TNRC6A: variants seen among roughly 807,000 people sequenced by gnomAD.
The protein encoded by TNRC6A is trinucleotide repeat containing adaptor 6A.
In TNRC6A, 44 loss-of-function variants were observed where a neutral mutation model predicts 221.2. The ratio of observed to expected loss-of-function variants is 0.20; its 90% CI spans 0.16 to 0.26. The LOEUF is 0.26. Ranked by LOEUF, TNRC6A falls within the 10% of genes least tolerant of loss-of-function variation. TNRC6A has a pLI of 1.00. For synonymous variants in TNRC6A, 847 were observed against 838.5 expected (o/e 1.01, Z -0.18); for missense variants, 2,199 against 2,404.4 (o/e 0.91, Z 1.79).
At chr16:24,673,324 A>G (rs964611075) in intron 2 of TNRC6A, among the ~76,000 whole-genome samples, 33 of 152,236 alleles carry the variant, frequency 2.2e-4, no homozygotes, top group African/African-American at 8.0e-4. Flanking sequence ...TCACACAGCT[A>G]TCAAATTTCA....
At chr16:24,695,931 A>C (rs1294580940) in intron 2 of TNRC6A, among the ~76,000 whole-genome samples, 1 of 152,158 alleles carries the variant, frequency 6.6e-6, no homozygotes, top group Non-Finnish European at 1.5e-5. Context: ...CTTGGAATTA[A>C]TGGGATTCCC....
At chr16:24,743,540 G>C (rs2056938185) in intron 2 of TNRC6A, among the ~76,000 whole-genome samples, 1 of 137,506 alleles carries the variant, frequency 7.3e-6, no homozygotes, top group African/African-American at 2.6e-5. Context: ...GCCCAGGCTG[G>C]TCTCGAACTC....
intron 2 of TNRC6A, among the ~76,000 whole-genome samples, chr16:24,738,766 G>T (rs1435142403): frequency 6.6e-6 from 1 of 152,228 alleles, no homozygotes; most frequent in Non-Finnish European, 1.5e-5. Flanking sequence ...ACAAATGTTT[G>T]TGTGGACATA....
At chr16:24,763,535 G>T (rs2151550571) in intron 4 of TNRC6A, among the ~76,000 whole-genome samples, 1 of 152,246 alleles carries the variant, frequency 6.6e-6, no homozygotes, top group Non-Finnish European at 1.5e-5. Flanking sequence ...TATCATCCAT[G>T]TTTCACTATC....
intron 2 of TNRC6A, among the ~76,000 whole-genome samples, chr16:24,707,609 T>C (rs1362748162): frequency 6.6e-6 from 1 of 152,112 alleles, no homozygotes; most frequent in African/African-American, 2.4e-5. Flanking sequence ...AAAATATGAA[T>C]AGTTTTTAAA....
chr16:24,708,244 G>GTTT (rs778579144), intron 2 of TNRC6A, among the ~76,000 whole-genome samples: 2 of 138,518 alleles, frequency 1.4e-5, no homozygotes, highest in African/African-American at 2.7e-5. Flanking sequence ...ACATGGATGA[G>GTTT]TTTTTTTTTT....
At position 24,693,786 on chromosome 16, in the gene TNRC6A, G is replaced by A. The variant is rs117411809; in HGVS notation, n.402+52777G>A. Among the ~76,000 whole-genome samples the A allele has an allele frequency of 4.6e-5, 7 of 151,718 alleles. No homozygotes were observed. The East Asian group carries it at 1.4e-3, about 29-fold the overall frequency. ...ATGGTAGCATGTGCCTATAGTCCTA[G>A]CTACTCAGGGGGCTGAGATGGGAAG... is the stretch of plus-strand genomic sequence containing the variant. On this transcript the variant is annotated intron_variant and non_coding_transcript_variant, in intron 2 of 2. Transcript: ENST00000566108.
chr16:24,671,223 G>A (rs2055294008), intron 2 of TNRC6A, among the ~76,000 whole-genome samples: 1 of 152,278 alleles, frequency 6.6e-6, no homozygotes, highest in South Asian at 2.1e-4. Flanking sequence ...AAAAAAAAGA[G>A]AGGTTGTCCT....
intron 4 of TNRC6A, among the ~76,000 whole-genome samples, chr16:24,768,432 CAAAAA>C (rs35193077): frequency 1.1e-5 from 1 of 89,184 alleles, no homozygotes; most frequent in Admixed American, 1.2e-4. Flanking sequence ...GACTCTGTCT[CAAAAA>C]AAAAAAAAAA....
intron 2 of TNRC6A, among the ~76,000 whole-genome samples, chr16:24,712,676 T>C (rs1408659759): frequency 6.6e-6 from 1 of 152,250 alleles, no homozygotes; most frequent in African/African-American, 2.4e-5. Context: ...AAGTTAATTT[T>C]ACCCTTTTTG....
At chr16:24,675,019 G>A (rs756245687) in intron 2 of TNRC6A, among the ~76,000 whole-genome samples, 32 of 152,190 alleles carry the variant, frequency 2.1e-4, no homozygotes, top group Non-Finnish European at 3.7e-4. Flanking sequence ...GGTGGCATGC[G>A]TCTGTAGTCC....
chr16:24,774,116 C>T (rs554387992), intron 4 of TNRC6A, among the ~76,000 whole-genome samples: 30 of 152,148 alleles, frequency 2.0e-4, no homozygotes, highest in African/African-American at 7.0e-4. Context: ...CCTTTTTCCC[C>T]CCTTCCAGTG....
At chr16:24,611,300 T>C (rs910456977) in intron 1 of TNRC6A, among the ~76,000 whole-genome samples, 1 of 152,188 alleles carries the variant, frequency 6.6e-6, no homozygotes, top group Non-Finnish European at 1.5e-5. Flanking sequence ...TAAAAAAAAT[T>C]CTTTTTTCAC....
intron 20 of TNRC6A, 95 bp downstream of exon 20, chr16:24,817,051 GGGTACTCTGGGATCACT>G (rs2058671692): frequency 7.7e-7 from 1 of 1,293,568 alleles, no homozygotes; most frequent in Non-Finnish European, 1.0e-6. Context: ...ACTGAGCCCA[GGGTACTCTGGGATCACT>G]TGAGCCCAGG....
intron 11 of TNRC6A, among the ~76,000 whole-genome samples, chr16:24,798,283 A>G (rs1445602979): frequency 6.6e-6 from 1 of 152,158 alleles, no homozygotes; most frequent in Non-Finnish European, 1.5e-5. Flanking sequence ...TTAAAACTAT[A>G]CTGGAGGAAT....
intron 2 of TNRC6A, among the ~76,000 whole-genome samples, chr16:24,708,434 G>A (rs2056140981): frequency 6.6e-6 from 1 of 151,928 alleles, no homozygotes; most frequent in Admixed American, 6.6e-5. Flanking sequence ...GTAGAGACGG[G>A]GTTTCACCAT....
intron 3 of TNRC6A, among the ~76,000 whole-genome samples, chr16:24,753,248 C>T (rs1311847781): frequency 2.0e-5 from 3 of 152,188 alleles, no homozygotes. Flanking sequence ...GTTCCAGTCT[C>T]TCACCTCAAC....
At chr16:24,686,918 G>A (rs181120912) in intron 2 of TNRC6A, among the ~76,000 whole-genome samples, 3 of 152,288 alleles carry the variant, frequency 2.0e-5, no homozygotes, top group Admixed American at 2.0e-4. Flanking sequence ...ATGGTTCGGA[G>A]TCTGCATTTG....
At chr16:24,635,154 T>TTTCC (rs796373125) in intron 1 of TNRC6A, among the ~76,000 whole-genome samples, 28 of 150,606 alleles carry the variant, frequency 1.9e-4, no homozygotes, top group East Asian at 5.8e-4. Context: ...TCTTTCCTTC[T>TTTCC]TTCCTTCCTT....
Sources: gnomAD v4.1 joint callset for allele counts (sites outside exome capture counted in the v4.1 genomes callset) on GRCh38, gnomAD v4.1.1 for gene constraint, MANE v1.5 for transcripts, NCBI Gene and HGNC (gene_info 2026-07-23, HGNC 2026-07-21) for gene names.